Variants in RIMOC1 observed in about 807,000 individuals in gnomAD.
The protein encoded by RIMOC1 is RAB7A-interacting MON1-CCZ1 complex subunit 1.
At chr5:41,919,852 C>G in the RIMOC1 span, 1 of 152,174 alleles carries the variant, frequency 6.6e-6, no homozygotes, top group Non-Finnish European at 1.5e-5. Context: ...GCACTGATCA[C>G]ACTGCTTTGT....
At chr5:41,907,794 AG>A in the RIMOC1 span, 1 of 1,610,292 alleles carries the variant, frequency 6.2e-7, no homozygotes, top group Non-Finnish European at 8.5e-7. Context: ...TGTGTGGAGA[AG>A]AGAAAGAATG....
the RIMOC1 span, among the ~76,000 whole-genome samples, chr5:41,910,840 A>T: frequency 6.6e-6 from 1 of 152,164 alleles, no homozygotes; most frequent in Non-Finnish European, 1.5e-5. Context: ...AACTACTAGT[A>T]AATTGAAGTT....
At chr5:41,907,714 C>G in the RIMOC1 span, 2 of 1,466,582 alleles carry the variant, frequency 1.4e-6, no homozygotes, top group Non-Finnish European at 1.9e-6. Flanking sequence ...TGAAGTAATC[C>G]TCATGTTTTT....
At chr5:41,914,137 A>G in the RIMOC1 span, among the ~76,000 whole-genome samples, 2 of 152,238 alleles carry the variant, frequency 1.3e-5, no homozygotes, top group East Asian at 3.9e-4. Flanking sequence ...AGACATTCTC[A>G]TAACCTGGAG....
chr5:41,917,690 A>G, the RIMOC1 span: 91 of 969,028 alleles, frequency 9.4e-5, no homozygotes, highest in African/African-American at 1.5e-3. Context: ...GAAGTTTGCC[A>G]TGCTTCAGAA....
chr5:41,917,933 TA>T, the RIMOC1 span: 1 of 915,800 alleles, frequency 1.1e-6, no homozygotes, highest in Non-Finnish European at 1.3e-6. Flanking sequence ...CTATTTTGTT[TA>T]AAAGACAATG....
At chr5:41,915,057 A>C in the RIMOC1 span, among the ~76,000 whole-genome samples, 1 of 152,298 alleles carries the variant, frequency 6.6e-6, no homozygotes, top group African/African-American at 2.4e-5. Flanking sequence ...TACTTTTTCT[A>C]AGGTAAGATA....
At chr5:41,917,080 G>A in the RIMOC1 span, 29 of 1,613,538 alleles carry the variant, frequency 1.8e-5, no homozygotes, top group South Asian at 2.9e-4. Context: ...ACTGGGGATC[G>A]AAGTATTGTG....
chr5:41,907,857 G>A, the RIMOC1 span: 5 of 1,514,480 alleles, frequency 3.3e-6, no homozygotes, highest in Non-Finnish European at 4.5e-6. Flanking sequence ...TGAAAGAGTG[G>A]TGGACTCTGG....
the RIMOC1 span, chr5:41,918,556 CTATT>C: frequency 9.1e-6 from 9 of 985,352 alleles, no homozygotes; most frequent in South Asian, 2.8e-4. Context: ...CAGATTAATC[CTATT>C]TATTATCTAC....
At chr5:41,913,141 A>G in the RIMOC1 span, among the ~76,000 whole-genome samples, 1 of 152,324 alleles carries the variant, frequency 6.6e-6, no homozygotes, top group East Asian at 1.9e-4. Context: ...GTTTCAGGCT[A>G]CAGGAATGGC....
the RIMOC1 span, chr5:41,917,682 A>C: frequency 5.2e-6 from 5 of 970,240 alleles, no homozygotes; most frequent in Non-Finnish European, 6.1e-6. Flanking sequence ...ACTACCTTGA[A>C]GTTTGCCATG....
chr5:41,904,748 A>G, the RIMOC1 span, among the ~76,000 whole-genome samples: 2 of 152,244 alleles, frequency 1.3e-5, no homozygotes, highest in South Asian at 2.1e-4. Context: ...AGCGATTGGA[A>G]GAAGGGCAGA....
the RIMOC1 span, chr5:41,918,350 T>G: frequency 2.2e-5 from 22 of 985,702 alleles, no homozygotes; most frequent in Non-Finnish European, 7.2e-6. Context: ...TTTCTCTCCT[T>G]TATGCTCATT....
the RIMOC1 span, chr5:41,920,461 G>T: frequency 6.6e-6 from 1 of 152,104 alleles, no homozygotes; most frequent in South Asian, 2.1e-4. Context: ...TTTTATCCTA[G>T]ACCCTGAGGA....
the RIMOC1 span, among the ~76,000 whole-genome samples, chr5:41,908,786 C>T: frequency 3.5e-4 from 53 of 152,170 alleles, 2 homozygotes; most frequent in African/African-American, 1.2e-3. Context: ...AGGCAAAAGA[C>T]CTAGAGATAC....
the RIMOC1 span, chr5:41,912,289 T>A: frequency 1.5e-6 from 1 of 688,430 alleles, no homozygotes; most frequent in Non-Finnish European, 2.5e-6. Context: ...AGGTAGATTA[T>A]AGACAAAAAA....
the RIMOC1 span, among the ~76,000 whole-genome samples, chr5:41,906,020 G>A: frequency 6.6e-6 from 1 of 152,058 alleles, no homozygotes; most frequent in Non-Finnish European, 1.5e-5. Context: ...ATTGAATTTG[G>A]CATTATTTTT....
chr5:41,917,249 A>G, the RIMOC1 span: 1 of 1,613,320 alleles, frequency 6.2e-7, no homozygotes, highest in Non-Finnish European at 8.5e-7. Context: ...AGAATGGAAT[A>G]CAACGAATGC....
Sources: gnomAD v4.1 joint callset for allele counts (sites outside exome capture counted in the v4.1 genomes callset) on GRCh38, gnomAD v4.1.1 for gene constraint, MANE v1.5 for transcripts, NCBI Gene and HGNC (gene_info 2026-07-23, HGNC 2026-07-21) for gene names.